The following ATRX variants were observed in gnomAD, a reference collection of about 807,000 sequenced individuals.
The protein encoded by ATRX is ATRX chromatin remodeler, also known as chromatin remodeler ATRX.
Under a neutral mutation model 172.6 loss-of-function variants are expected in ATRX, and 12 were observed. That is an observed-to-expected ratio of 0.07 (90% CI 0.04 to 0.11). The LOEUF (loss-of-function observed/expected upper bound fraction) is 0.11, where lower values mean the gene tolerates loss of function less well. ATRX is among the 10% of genes least tolerant of loss of function. The probability of loss-of-function intolerance (pLI) is 1.00; values close to 1 mark genes in which losing one functional copy is unlikely to be tolerated. For missense variants in ATRX, 1,368 were observed against 1,767.4 expected (o/e 0.77, Z 4.05); for synonymous variants, 674 against 594.7 (o/e 1.13, Z -1.94).
chrX:77,631,796 T>C (rs1841047189), intron 19 of ATRX, among the ~76,000 whole-genome samples: 1 of 111,446 alleles, frequency 9.0e-6, no homozygotes, highest in Admixed American at 9.5e-5. Context: ...GAACCCTGGA[T>C]AGAAAAACTG....
rs782565149 is a variant in ATRX at position 77,735,000 on chromosome X, G to A, written c.21-17757C>T. 2.8e-5 allele frequency among the ~76,000 whole-genome samples: 3 copies of A among 107,782 alleles called. No homozygotes were observed. The East Asian group carries it at 8.8e-4, about 32-fold the overall frequency. The allele number at this position is 107,782 out of a possible 115,157, so 93.6% of individuals were successfully genotyped here. A position where few individuals can be genotyped will look rare whatever the true frequency, so the allele number is the denominator to read the frequency against. On this transcript the variant is annotated intron_variant, in intron 1 of 34. Coordinates refer to ENST00000373344, the MANE Select transcript of ATRX (RefSeq NM_000489.6). ...CCAGCTACTCGGGAGGCTGAGGCAGGAGAACTGCTTGAATCCGGGAGGCAG... is the reference window on the plus strand; with the variant it reads ...CCAGCTACTCGGGAGGCTGAGGCAGAAGAACTGCTTGAATCCGGGAGGCAG...
intron 2 of ATRX, among the ~76,000 whole-genome samples, chrX:77,706,978 T>G (rs782355864): frequency 1.8e-5 from 2 of 112,319 alleles, no homozygotes; most frequent in Non-Finnish European, 3.8e-5. Context: ...CAAGTGTCCA[T>G]TGAAATATGA....
intron 28 of ATRX, among the ~76,000 whole-genome samples, chrX:77,563,965 G>A (rs1282300366): frequency 9.0e-6 from 1 of 110,552 alleles, no homozygotes; most frequent in Non-Finnish European, 1.9e-5. Flanking sequence ...CCAAGGGCTC[G>A]ATAAGATGGA....
chrX:77,642,108 T>G (rs2068686019), intron 15 of ATRX, among the ~76,000 whole-genome samples: 1 of 111,035 alleles, frequency 9.0e-6, no homozygotes, highest in Non-Finnish European at 1.9e-5. Context: ...GGCAAGAGTA[T>G]CTCTTGAGCC....
chrX:77,621,588 G>A (rs1354901055), intron 19 of ATRX, among the ~76,000 whole-genome samples: 2 of 112,339 alleles, frequency 1.8e-5, no homozygotes, highest in African/African-American at 3.2e-5. Flanking sequence ...TGGGATTACC[G>A]GCATAAGCCA....
At chrX:77,724,755 A>G (rs1336675729) in intron 1 of ATRX, among the ~76,000 whole-genome samples, 1 of 111,823 alleles carries the variant, frequency 8.9e-6, no homozygotes, top group East Asian at 2.8e-4. Flanking sequence ...ACTGTTATGT[A>G]TATGGGCTCC....
intron 30 of ATRX, among the ~76,000 whole-genome samples, chrX:77,530,538 G>A: frequency 9.0e-6 from 1 of 111,529 alleles, no homozygotes; most frequent in East Asian, 2.8e-4. Flanking sequence ...GAACCCAGGA[G>A]GCGGAGGTTG....
At chrX:77,725,808 G>C (rs1330934807) in intron 1 of ATRX, among the ~76,000 whole-genome samples, 2 of 112,051 alleles carry the variant, frequency 1.8e-5, no homozygotes, top group African/African-American at 6.5e-5. Context: ...CAAAAAGTAG[G>C]CAAAGGATAT....
intron 22 of ATRX, among the ~76,000 whole-genome samples, chrX:77,602,034 T>C (rs1023572531): frequency 8.9e-6 from 1 of 111,900 alleles, no homozygotes; most frequent in East Asian, 2.8e-4. Context: ...TACAGGGTCT[T>C]ACACTGTCAC....
rs1400108483 is a variant in ATRX, at chrX:77,606,026, C to A, written c.5567-5462G>T. Among the ~76,000 whole-genome samples the A allele has an allele frequency of 2.7e-5, 3 of 111,085 alleles. No individual in the cohort carries two copies. In the Admixed American group the frequency reaches 2.9e-4, roughly 11 times the overall value. ...AAATGGATAAATTCCTAGACACATG[C>A]AATCTACTAAGATTGAACCAGGAAG... On this transcript the variant is annotated intron_variant, in intron 22 of 34. Transcript: ENST00000373344.
intron 21 of ATRX, among the ~76,000 whole-genome samples, chrX:77,617,453 G>A (rs1359864600): frequency 9.0e-6 from 1 of 110,882 alleles, no homozygotes; most frequent in Admixed American, 9.7e-5. Context: ...ATCTATGGGA[G>A]ACTGGTTCCA....
At chrX:77,631,884 G>T (rs998397719) in intron 19 of ATRX, among the ~76,000 whole-genome samples, 1 of 112,470 alleles carries the variant, frequency 8.9e-6, no homozygotes. Flanking sequence ...CCATGGCAAT[G>T]TAAGATGTTA....
At chrX:77,663,138 C>T (rs186975236) in intron 12 of ATRX, among the ~76,000 whole-genome samples, 85 of 111,569 alleles carry the variant, frequency 7.6e-4, no homozygotes, top group Non-Finnish European at 1.2e-3. Flanking sequence ...CCTTGACCTC[C>T]GGGGCTCAGG....
chrX:77,538,956 G>A (rs1427099870), intron 30 of ATRX, among the ~76,000 whole-genome samples: 2 of 104,102 alleles, frequency 1.9e-5, no homozygotes, highest in South Asian at 4.6e-4. Context: ...GTGCAGTGGC[G>A]CAATCGCAGC....
At chrX:77,566,827 G>A (rs1451703742) in intron 28 of ATRX, among the ~76,000 whole-genome samples, 3 of 111,981 alleles carry the variant, frequency 2.7e-5, no homozygotes, top group Non-Finnish European at 5.6e-5. Context: ...GAAACATTAG[G>A]GAGAAGTAAC....
chrX:77,574,205 A>G (rs782461085), intron 28 of ATRX, 45 bp downstream of exon 28: 1 of 866,593 alleles, frequency 1.2e-6, no homozygotes. Context: ...AAATTTTAAA[A>G]TTAATTATTT....
chrX:77,736,326 G>A (rs186765107), intron 1 of ATRX, among the ~76,000 whole-genome samples: 1,524 of 112,007 alleles, frequency 0.014, 17 homozygotes, highest in Non-Finnish European at 0.021. Context: ...TCTAACAAGC[G>A]ATTAATAACC....
chrX:77,660,008 A>G (rs1671468139), intron 12 of ATRX, among the ~76,000 whole-genome samples: 1 of 112,060 alleles, frequency 8.9e-6, no homozygotes, highest in Admixed American at 9.5e-5. Context: ...AACAACAACA[A>G]CAAAACCACT....
rs200727620 is a variant in ATRX, at chrX:77,686,374, T to TA, written c.595-1369dup. ...TTTAAAAATACAAACAATTTTTTTT[T>TA]AAAAAAGGGAGTATGTGTGCATGTT... On this transcript the variant is annotated intron_variant, in intron 7 of 34. Coordinates refer to ENST00000373344, the MANE Select transcript of ATRX (RefSeq NM_000489.6). Among the ~76,000 whole-genome samples the TA allele has an allele frequency of 1.2e-3, 137 of 111,453 alleles. 4 individuals are homozygous for TA. In the East Asian group the frequency reaches 0.03, roughly 25 times the overall value.
Sources: allele counts gnomAD v4.1 joint callset (sites outside exome capture counted in the v4.1 genomes callset), GRCh38; gene constraint gnomAD v4.1.1; transcripts MANE v1.5; gene names NCBI Gene and HGNC (gene_info 2026-07-23, HGNC 2026-07-21).